The following INTS15 variants were observed in gnomAD, a reference collection of about 807,000 sequenced individuals.
INTS15 encodes uncharacterized protein C7orf26.
the INTS15 span, chr7:6,601,956 T>C: frequency 1.3e-6 from 1 of 743,468 alleles, no homozygotes; most frequent in Non-Finnish European, 2.3e-6. Flanking sequence ...TGCGCCCGGC[T>C]AGAACTCAGT....
At chr7:6,607,519 A>T in the INTS15 span, 1 of 1,308,598 alleles carries the variant, frequency 7.6e-7, no homozygotes, top group Non-Finnish European at 1.0e-6. This position sits in a 1 kb window ranked among gnomAD's most constrained non-coding sequence, Gnocchi z 6.0. Flanking sequence ...GCCGCACCGG[A>T]CTCATTCTGA....
the INTS15 span, among the ~76,000 whole-genome samples, chr7:6,592,452 A>G: frequency 3.3e-5 from 5 of 150,990 alleles, no homozygotes; most frequent in African/African-American, 1.2e-4. Flanking sequence ...CTGTGGTCCC[A>G]GCTACTTGGG....
chr7:6,595,119 C>A, the INTS15 span, among the ~76,000 whole-genome samples: 3 of 152,122 alleles, frequency 2.0e-5, no homozygotes, highest in Non-Finnish European at 4.4e-5. Flanking sequence ...GCAGTCTCTG[C>A]CCCCAAGGCT....
chr7:6,590,427 G>C, the INTS15 span: 1 of 1,602,476 alleles, frequency 6.2e-7, no homozygotes, highest in Admixed American at 1.7e-5. Flanking sequence ...TGGAGCTGCT[G>C]GAGGAGTTCG....
the INTS15 span, among the ~76,000 whole-genome samples, chr7:6,603,751 A>G: frequency 2.0e-5 from 3 of 152,148 alleles, no homozygotes; most frequent in South Asian, 6.2e-4. Context: ...AGGCAGGACA[A>G]TTGCTTGAAC....
the INTS15 span, chr7:6,607,637 C>A: frequency 6.8e-7 from 1 of 1,471,660 alleles, no homozygotes; most frequent in Non-Finnish European, 9.1e-7. The surrounding 1 kb of genome is among the most constrained non-coding windows in gnomAD (Gnocchi z 6.0). Flanking sequence ...AGACTGTGGC[C>A]AGCTGTTCTG....
the INTS15 span, among the ~76,000 whole-genome samples, chr7:6,607,215 G>A: frequency 6.6e-6 from 1 of 152,128 alleles, no homozygotes; most frequent in Admixed American, 6.5e-5. This position sits in a 1 kb window ranked among gnomAD's most constrained non-coding sequence, Gnocchi z 6.0. Flanking sequence ...GCGTTGGAAA[G>A]CCACGTTGAA....
At chr7:6,590,674 G>C in the INTS15 span, among the ~76,000 whole-genome samples, 3 of 152,210 alleles carry the variant, frequency 2.0e-5, no homozygotes, top group African/African-American at 7.2e-5. Flanking sequence ...CAGTCTGCGG[G>C]GCGTGTGACA....
the INTS15 span, among the ~76,000 whole-genome samples, chr7:6,595,736 C>T: frequency 4.6e-5 from 7 of 152,074 alleles, no homozygotes; most frequent in Admixed American, 3.3e-4. Flanking sequence ...TGCTGGAATA[C>T]GGTGGTGCAG....
chr7:6,590,539 G>C, the INTS15 span: 6 of 1,454,728 alleles, frequency 4.1e-6, no homozygotes, highest in South Asian at 8.3e-5. Context: ...TTTCCCCAGC[G>C]ATGCAGGGCT....
chr7:6,593,825 A>AT, the INTS15 span, among the ~76,000 whole-genome samples: 1 of 148,210 alleles, frequency 6.7e-6, no homozygotes, highest in African/African-American at 2.5e-5. Context: ...AATTTTTTCT[A>AT]TTTTTTATAG....
At chr7:6,591,724 C>G in the INTS15 span, 3 of 1,614,082 alleles carry the variant, frequency 1.9e-6, no homozygotes, top group Middle Eastern at 3.3e-4. Flanking sequence ...GGACTCTGTT[C>G]GGCAGATTAT....
At chr7:6,593,995 CTT>C in the INTS15 span, among the ~76,000 whole-genome samples, 2 of 116,960 alleles carry the variant, frequency 1.7e-5, no homozygotes, top group East Asian at 4.8e-4. Context: ...CAGTGTAAGC[CTT>C]TAACTTTTTT....
At chr7:6,608,420 G>A in the INTS15 span, 13 of 1,365,974 alleles carry the variant, frequency 9.5e-6, no homozygotes, top group Non-Finnish European at 1.1e-5. Flanking sequence ...GATCCTGGGA[G>A]CCTCTGTTCT....
chr7:6,590,357 A>G, the INTS15 span: 5 of 1,606,546 alleles, frequency 3.1e-6, no homozygotes, highest in African/African-American at 1.3e-5. Context: ...TACCACCTGG[A>G]CATCTACTTC....
chr7:6,606,895 G>A, the INTS15 span, among the ~76,000 whole-genome samples: 5 of 152,180 alleles, frequency 3.3e-5, no homozygotes, highest in African/African-American at 1.2e-4. Context: ...TTTCTGTGGA[G>A]ATAGGGTCTC....
At chr7:6,605,198 A>AT in the INTS15 span, among the ~76,000 whole-genome samples, 1 of 152,110 alleles carries the variant, frequency 6.6e-6, no homozygotes, top group Non-Finnish European at 1.5e-5. Flanking sequence ...CATGTTGGCC[A>AT]GGCTGGTCTC....
chr7:6,606,562 A>G, the INTS15 span, among the ~76,000 whole-genome samples: 6 of 152,092 alleles, frequency 3.9e-5, no homozygotes, highest in African/African-American at 1.4e-4. Context: ...CCGGAGCAAG[A>G]TCCTGGGGCA....
chr7:6,594,574 T>C, the INTS15 span: 1 of 1,614,156 alleles, frequency 6.2e-7, no homozygotes, highest in Non-Finnish European at 8.5e-7. Flanking sequence ...ATCACCTCCG[T>C]TACCGCGCTC....
Sources: gnomAD v4.1 joint callset for allele counts (sites outside exome capture counted in the v4.1 genomes callset) on GRCh38, gnomAD v4.1.1 for gene constraint, Gnocchi (gnomAD v3.1) non-coding constraint, MANE v1.5 for transcripts, NCBI Gene and HGNC (gene_info 2026-07-23, HGNC 2026-07-21) for gene names.